Variants in RIPK4 observed in about 807,000 individuals in gnomAD.
RIPK4 encodes the protein receptor interacting serine/threonine kinase 4.
In RIPK4, 17 loss-of-function variants were observed where a neutral mutation model predicts 42.9. The ratio of observed to expected loss-of-function variants is 0.40; its 90% CI spans 0.27 to 0.59. The LOEUF is 0.59. RIPK4 is among the 20% of genes least tolerant of loss of function. The pLI, the probability that RIPK4 is intolerant of heterozygous loss-of-function variation, is 0.47. For synonymous variants in RIPK4, 498 were observed against 499.1 expected (o/e 1.00, Z 0.03); for missense variants, 897 against 1,104.4 (o/e 0.81, Z 2.66).
At chr21:41,761,577 G>GCACACCCT (rs371188434) in intron 1 of RIPK4, among the ~76,000 whole-genome samples, 126 of 152,306 alleles carry the variant, frequency 8.3e-4, no homozygotes, top group African/African-American at 2.9e-3. Flanking sequence ...ACCGTGTGAG[G>GCACACCCT]CACACCCTCC....
chr21:41,763,455 T>G (rs2838118), intron 1 of RIPK4, among the ~76,000 whole-genome samples: 38,785 of 151,976 alleles, frequency 0.26, 5,252 homozygotes, highest in Middle Eastern at 0.3. Context: ...GGGAAAGAAC[T>G]GCCCCGGGAC....
Position 41,756,610 on chromosome 21 carries a change from T to C in RIPK4, c.389A>G (p.Asn130Ser). ...TGGCGGGGCCATGCAGTGCAGGAAGTTCATGCCCACCGCCGTCTCGTGGAT... is the reference window on the plus strand; with the variant it reads ...TGGCGGGGCCATGCAGTGCAGGAAGCTCATGCCCACCGCCGTCTCGTGGAT... ...RIIHETAVGM[N>S]FLHCMAPPLL... Residue 130 changes from asparagine (N) to serine (S), a missense_variant, in exon 2 of 8, where the codon AAC becomes AGC. Physicochemically the swap from Asn to Ser is conservative, Grantham distance 46. Transcript: ENST00000332512. The C allele has an allele frequency of 6.2e-7, 1 of 1,613,404 alleles. No individual in the cohort carries two copies. Among genetic ancestry groups the C allele is most frequent in the Non-Finnish European group, 8.5e-7 (1 of 1,179,926 alleles).
chr21:41,749,000 G>T (rs1284923096), intron 4 of RIPK4, among the ~76,000 whole-genome samples, 154 bp downstream of exon 4: 1 of 152,150 alleles, frequency 6.6e-6, no homozygotes, highest in Non-Finnish European at 1.5e-5. Context: ...CTTCAGATCT[G>T]TGTCTTTTCC....
chr21:41,745,238 C>T (rs1253746633), intron 6 of RIPK4, among the ~76,000 whole-genome samples: 1 of 152,216 alleles, frequency 6.6e-6, no homozygotes, highest in East Asian at 1.9e-4. Flanking sequence ...CACCAGATAA[C>T]ACGTTATAAA....
At chr21:41,759,768 C>A (rs573757661) in intron 1 of RIPK4, among the ~76,000 whole-genome samples, 1 of 152,332 alleles carries the variant, frequency 6.6e-6, no homozygotes, top group East Asian at 1.9e-4. Context: ...ACCGCCCCTG[C>A]GAGAGTTCAG....
At position 41,741,872 on chromosome 21, in the gene RIPK4, G is replaced by A. The variant is rs541279250; in HGVS notation, c.1321C>T (p.Leu441=). Residue 441 remains leucine, a synonymous_variant, in exon 8 of 8, where the codon CTG becomes TTG. Coordinates refer to ENST00000332512, the MANE Select transcript of RIPK4 (RefSeq NM_020639.3). ...VDLALDSGAS[L]LHLAVEAGQE... ...CCGGCCTCCACCGCCAGGTGCAGCA[G>A]GCTGGCACCGCTGTCCAGTGCCAGG... 2.5e-6 allele frequency: 4 copies of A among 1,613,478 alleles called. No homozygotes were observed. The African/African-American group carries it at 5.3e-5, about 21-fold the overall frequency.
At chr21:41,757,607 C>T (rs2061207716) in intron 1 of RIPK4, among the ~76,000 whole-genome samples, 1 of 151,968 alleles carries the variant, frequency 6.6e-6, no homozygotes, top group Non-Finnish European at 1.5e-5. Context: ...TGAGTTGGCC[C>T]AGTTATTCCT....
chr21:41,745,350 CACCTGGGTGGCACTCAT>C (rs1416867089), intron 6 of RIPK4, among the ~76,000 whole-genome samples: 1 of 152,206 alleles, frequency 6.6e-6, no homozygotes, highest in East Asian at 1.9e-4. Context: ...CATCTGAAAT[CACCTGGGTGGCACTCAT>C]CAGAGTGCAG....
intron 2 of RIPK4, among the ~76,000 whole-genome samples, chr21:41,753,112 T>A (rs1327744917): frequency 6.6e-6 from 1 of 152,186 alleles, no homozygotes; most frequent in African/African-American, 2.4e-5. Context: ...TAGTTAAGGA[T>A]CAGACTCACT....
At chr21:41,754,382 A>G (rs141744960) in intron 2 of RIPK4, among the ~76,000 whole-genome samples, 1 of 152,292 alleles carries the variant, frequency 6.6e-6, no homozygotes, top group Non-Finnish European at 1.5e-5. Flanking sequence ...ATGCCTGATT[A>G]AGAAGGACGC....
At chr21:41,765,764 T>A (rs2061234289) in intron 1 of RIPK4, among the ~76,000 whole-genome samples, 1 of 152,228 alleles carries the variant, frequency 6.6e-6, no homozygotes, top group Non-Finnish European at 1.5e-5. Flanking sequence ...CTAGGTAAAA[T>A]ACAAGCATAG....
At position 41,741,682 on chromosome 21, in the gene RIPK4, T is replaced by C. The variant is rs372327761; in HGVS notation, c.1511A>G (p.Gln504Arg). 2.7e-5 allele frequency: 44 copies of C among 1,613,672 alleles called. No homozygotes were observed. Among genetic ancestry groups the C allele is most frequent in the Non-Finnish European group, 3.0e-5 (35 of 1,180,020 alleles). ...GGCTGCAAAGTGGAGGGCTGTCCAC[T>C]GGTCCTCATCCTTGGCGTTGACACT... is the stretch of plus-strand genomic sequence containing the variant. ...KISVNAKDED[Q>R]WTALHFAAQN... is the part of the protein sequence containing the mutation. The change falls in exon 8 of 8, where the codon CAG becomes CGG. Residue 504 changes from glutamine (Q) to arginine (R), a missense_variant. Physicochemically the swap from Gln to Arg is conservative, Grantham distance 43. Coordinates refer to ENST00000332512, the MANE Select transcript of RIPK4 (RefSeq NM_020639.3).
Position 41,767,045 on chromosome 21 carries a change from G to T in RIPK4, c.-4C>A. The T allele has an allele frequency of 6.4e-7, 1 of 1,562,140 alleles. No homozygotes were observed. The highest frequency in any genetic ancestry group is 8.6e-7 in the Non-Finnish European group (1 of 1,158,420). Reference sequence around the variant, plus strand: ...GGGTCCCGCCGTCGCCCTCCATCGCGCACGTCTAGCCAGCGCCGCGGCGGC... The same window carrying T: ...GGGTCCCGCCGTCGCCCTCCATCGCTCACGTCTAGCCAGCGCCGCGGCGGC... On this transcript the variant is annotated 5_prime_UTR_variant, in exon 1 of 8. Transcript: ENST00000332512. This position sits in a 1 kb window ranked among gnomAD's most constrained non-coding sequence, Gnocchi z 4.0.
rs910338356 is a variant in RIPK4, at chr21:41,757,945, G to A, written c.183-1129C>T. Reference sequence around the variant, plus strand: ...ACCTGGGAGGCGGAGGTTACAGTGAGCCGAGATCGCGCCATTGCACTCCAG... The same window carrying A: ...ACCTGGGAGGCGGAGGTTACAGTGAACCGAGATCGCGCCATTGCACTCCAG... On this transcript the variant is annotated intron_variant, in intron 1 of 7. Coordinates refer to ENST00000332512, the MANE Select transcript of RIPK4 (RefSeq NM_020639.3). Among the ~76,000 whole-genome samples the A allele has an allele frequency of 4.6e-4, 63 of 137,104 alleles. 1 individual carries two copies. Among genetic ancestry groups the A allele is most frequent in the Non-Finnish European group, 7.1e-4 (47 of 65,872 alleles). The allele number at this position is 137,104 out of a possible 152,430, so 89.9% of individuals were successfully genotyped here.
intron 1 of RIPK4, among the ~76,000 whole-genome samples, chr21:41,763,330 T>C (rs77550760): frequency 2.6e-5 from 4 of 151,906 alleles, no homozygotes; most frequent in Middle Eastern, 3.2e-3. Flanking sequence ...ACACCAATCA[T>C]CTCTAAAAGG....
In RIPK4 at chr21:41,740,916, G is replaced by A. The variant is rs201802815; in HGVS notation, c.2277C>T (p.Ala759=). ...QTVETLLRHG[A]HINLQSLKFQ... is the part of the protein sequence containing the mutation. ...ACTTGAGGCTCTGCAGGTTGATGTGGGCCCCATGCCTGAGCAGAGTCTCCA... is the reference window on the plus strand; with the variant it reads ...ACTTGAGGCTCTGCAGGTTGATGTGAGCCCCATGCCTGAGCAGAGTCTCCA... Residue 759 remains alanine (A), a synonymous_variant, in exon 8 of 8, where the codon GCC becomes GCT. Coordinates refer to ENST00000332512, the MANE Select transcript of RIPK4 (RefSeq NM_020639.3). The A allele has an allele frequency of 2.1e-4, 336 of 1,612,614 alleles. 1 individual carries two copies. The highest frequency in any genetic ancestry group is 6.8e-4 in the Admixed American group (41 of 60,020).
At chr21:41,754,390 C>T (rs1346853302) in intron 2 of RIPK4, among the ~76,000 whole-genome samples, 4 of 152,194 alleles carry the variant, frequency 2.6e-5, no homozygotes, top group Admixed American at 2.0e-4. Context: ...TTAAGAAGGA[C>T]GCCACACAAA....
intron 1 of RIPK4, among the ~76,000 whole-genome samples, chr21:41,765,406 T>C (rs1342806473): frequency 1.3e-5 from 2 of 152,222 alleles, no homozygotes; most frequent in Non-Finnish European, 2.9e-5. Context: ...CTAGTGGTGA[T>C]TTGATGACAC....
chr21:41,751,341 G>A lies in RIPK4; in HGVS notation c.475-96C>T, dbSNP rs1048654944. Reference sequence around the variant, plus strand: ...CTCCCTTCTGCAATCTCAGAGGGTGGGTGAGAGCTTTCCAGGAGCCCCTAA... The same window carrying A: ...CTCCCTTCTGCAATCTCAGAGGGTGAGTGAGAGCTTTCCAGGAGCCCCTAA... On this transcript the variant is annotated intron_variant, in intron 2 of 7. Transcript: ENST00000332512. This position sits in a 1 kb window ranked among gnomAD's most constrained non-coding sequence, Gnocchi z 4.5. The A allele has an allele frequency of 3.0e-5, 45 of 1,502,976 alleles. No homozygotes were observed. The African/African-American group carries it at 5.9e-4, about 20-fold the overall frequency. 93.1% of individuals were successfully genotyped at this position (1,502,976 alleles called of 1,614,324 possible).
Sources: allele counts gnomAD v4.1 joint callset (sites outside exome capture counted in the v4.1 genomes callset), GRCh38; gene constraint gnomAD v4.1.1; non-coding constraint Gnocchi (gnomAD v3.1); transcripts MANE v1.5; gene names NCBI Gene and HGNC (gene_info 2026-07-23, HGNC 2026-07-21).